Variants in SLC6A9 observed in about 807,000 individuals in gnomAD.
SLC6A9 encodes sodium- and chloride-dependent glycine transporter 1.
A neutral mutation model predicts 70.9 loss-of-function variants in SLC6A9; 31 were observed. That is an observed-to-expected ratio of 0.44 (90% CI 0.33 to 0.59). The LOEUF is 0.59. SLC6A9 is among the 20% of genes least tolerant of loss of function. The pLI, the probability that SLC6A9 is intolerant of heterozygous loss-of-function variation, is 0.04. For missense variants in SLC6A9, 631 were observed against 845.2 expected (o/e 0.75, Z 3.14); for synonymous variants, 310 against 341.3 (o/e 0.91, Z 1.01).
chr1:44,002,366 C>A lies in SLC6A9; in HGVS notation c.909G>T (p.Trp303Cys). The A allele has an allele frequency of 6.2e-7, 1 of 1,614,116 alleles. No individual in the cohort carries two copies. The highest frequency in any genetic ancestry group is 1.3e-5 in the African/African-American group (1 of 75,020). ...SQIFYSLGCA[W>C]GGLITMASYN... ...AGGAAGCCATGGTGATGAGGCCTCC[C>A]CACGCGCAGCCCAGTGAGTAGAAGA... Residue 303 changes from tryptophan to cysteine, a missense_variant, in exon 8 of 14, where the codon TGG (tryptophan) becomes TGT (cysteine). Trp to Cys is a radical substitution (Grantham distance 215). Transcript: ENST00000372310. This position sits in a 1 kb window ranked among gnomAD's most constrained non-coding sequence, Gnocchi z 5.5.
chr1:44,014,716 C>A (rs1183638942), intron 2 of SLC6A9: 1 of 152,042 alleles, frequency 6.6e-6, no homozygotes, highest in African/African-American at 2.4e-5. Context: ...ATCCAGATCT[C>A]CCACTCAGCC....
Position 43,997,604 on chromosome 1 carries a change from C to A in SLC6A9, c.1843G>T (p.Ala615Ser), listed in dbSNP as rs753914056. 4 of 1,613,882 alleles carry A rather than the reference C, an allele frequency of 2.5e-6. No homozygotes were observed. In the African/African-American group the frequency reaches 5.3e-5, roughly 22 times the overall value. ...TTACTGCCCACAATGGGGATCTGCG[C>A]CTTGTCCGGGTGCAGTGGCTGGACC... Reference protein sequence around the residue: ...FEVQPLHPDKAQIPIVGSNGS... With the variant: ...FEVQPLHPDKSQIPIVGSNGS... Residue 615 changes from alanine (A) to serine (S), a missense_variant, in exon 14 of 14, where the codon GCG becomes TCG. Physicochemically the swap from Ala to Ser is moderately conservative, Grantham distance 99. Coordinates refer to ENST00000372310, the MANE Select transcript of SLC6A9 (RefSeq NM_001024845.3). This position sits in a 1 kb window ranked among gnomAD's most constrained non-coding sequence, Gnocchi z 4.4.
intron 1 of SLC6A9, among the ~76,000 whole-genome samples, chr1:44,030,104 C>CT (rs2087069558): frequency 6.6e-6 from 1 of 152,064 alleles, no homozygotes; most frequent in African/African-American, 2.4e-5. Context: ...GGTGCGGCTC[C>CT]TTTAAGTATC....
chr1:44,001,644 C>T lies in SLC6A9; in HGVS notation c.963-17G>A, dbSNP rs2086111887. The T allele has an allele frequency of 6.3e-7, 1 of 1,586,264 alleles. No individual in the cohort carries two copies. Among genetic ancestry groups the T allele is most frequent in the Non-Finnish European group, 8.6e-7 (1 of 1,159,252 alleles). On this transcript the variant is annotated splice_polypyrimidine_tract_variant and intron_variant, in intron 8 of 13. Coordinates refer to ENST00000372310, the MANE Select transcript of SLC6A9 (RefSeq NM_001024845.3). ...ACACTGTCCCTGATGGGGAGGAAAA[C>T]AGAGTTCAGCTTCCCTCTCCCCAAT... is the stretch of plus-strand genomic sequence containing the variant.
intron 5 of SLC6A9, among the ~76,000 whole-genome samples, chr1:44,008,018 C>T (rs914201963): frequency 2.0e-5 from 3 of 152,036 alleles, no homozygotes; most frequent in Non-Finnish European, 2.9e-5. Flanking sequence ...TGCCACCACG[C>T]CCGGCTAATT....
rs2286245 is a variant in SLC6A9, at chr1:43,997,532, C to T, written c.*13G>A. The T allele has an allele frequency of 0.042, 67,311 of 1,611,184 alleles. 1,825 individuals carry two copies. The highest frequency in any genetic ancestry group is 0.13 in the East Asian group (5,687 of 44,836). On this transcript the variant is annotated 3_prime_UTR_variant, in exon 14 of 14. Transcript: ENST00000372310. This position sits in a 1 kb window ranked among gnomAD's most constrained non-coding sequence, Gnocchi z 4.4. ...ACGGGGTGGGGGTGGGGCCACTCCC[C>T]TGGCAGCTGTGCTCATATCCGGGAG...
At position 44,018,718 on chromosome 1, in the gene SLC6A9, G is replaced by A. The variant is rs1307068385; in HGVS notation, c.30+5530C>T. The stretch of plus-strand genomic sequence containing the variant: ...TTTGGGAAGCCAAGGCAGGAGGGTC[G>A]CTTGAGGTCAGGAGTTCATGACCAG... On this transcript the variant is annotated intron_variant, in intron 2 of 13. Transcript: ENST00000372310. The surrounding 1 kb of genome is among the most constrained non-coding windows in gnomAD (Gnocchi z 4.2). 2.6e-5 allele frequency among the ~76,000 whole-genome samples: 4 copies of A among 151,870 alleles called. No homozygotes were observed. The highest frequency in any genetic ancestry group is 2.0e-4 in the Admixed American group (3 of 15,244).
At chr1:44,015,090 C>T (rs965446335) in intron 2 of SLC6A9, among the ~76,000 whole-genome samples, 2 of 152,044 alleles carry the variant, frequency 1.3e-5, no homozygotes, top group African/African-American at 4.8e-5. Flanking sequence ...CAATTTTGCC[C>T]TTTTTTTTCC....
chr1:44,020,106 G>A (rs1211335415), intron 2 of SLC6A9, among the ~76,000 whole-genome samples: 1 of 152,218 alleles, frequency 6.6e-6, no homozygotes, highest in Admixed American at 6.5e-5. Context: ...GGCTGTCCTG[G>A]CTAGAAGAGC....
rs764804557 is a variant in SLC6A9, at chr1:44,010,880, A to G, written c.33T>C (p.Asn11=). 23 of 1,614,152 alleles carry G rather than the reference A, an allele frequency of 1.4e-5. No individual in the cohort carries two copies. Among genetic ancestry groups the G allele is most frequent in the Non-Finnish European group, 1.9e-5 (23 of 1,179,990 alleles). The change falls in exon 3 of 14, where the codon AAT becomes AAC. Residue 11 remains asparagine (N), a splice_region_variant and synonymous_variant. Coordinates refer to ENST00000372310, the MANE Select transcript of SLC6A9 (RefSeq NM_001024845.3). MVGKGAKGML[N]GAVPSEATKR... ...TGGTGGCCTCGCTGGGCACAGCACC[A>G]TTCTGTGGGGACAGGAGAGAAGCTA...
intron 5 of SLC6A9, among the ~76,000 whole-genome samples, chr1:44,005,065 G>A (rs1482354443): frequency 2.0e-5 from 3 of 152,278 alleles, no homozygotes; most frequent in South Asian, 2.1e-4. Flanking sequence ...AACCAGGTAG[G>A]TATCACGACT....
At chr1:44,017,094 T>TG in intron 2 of SLC6A9, 1 of 1,605,938 alleles carries the variant, frequency 6.2e-7, no homozygotes, top group South Asian at 1.1e-5. Flanking sequence ...GCGGCCATCC[T>TG]GGGGCGAGCG....
At chr1:44,011,585 G>A (rs1557684187) in intron 2 of SLC6A9, 1 of 1,614,038 alleles carries the variant, frequency 6.2e-7, no homozygotes, top group Non-Finnish European at 8.5e-7. Context: ...GGGAGTGCTG[G>A]GCCATGAGTT....
intron 1 of SLC6A9, among the ~76,000 whole-genome samples, chr1:44,029,922 T>C (rs1362611253): frequency 2.0e-5 from 3 of 152,188 alleles, no homozygotes; most frequent in Admixed American, 2.0e-4. Flanking sequence ...GTTTTTCTCT[T>C]TCCCCACTCC....
At chr1:44,009,342 C>T (rs1015958483) in intron 4 of SLC6A9, among the ~76,000 whole-genome samples, 1 of 152,014 alleles carries the variant, frequency 6.6e-6, no homozygotes, top group Admixed American at 6.5e-5. Flanking sequence ...GCCTCAGCCC[C>T]CAGAGTAGCT....
chr1:44,019,854 G>A (rs1452164633), intron 2 of SLC6A9, among the ~76,000 whole-genome samples: 5 of 152,100 alleles, frequency 3.3e-5, no homozygotes, highest in African/African-American at 7.2e-5. Context: ...GGAAGGTCCC[G>A]CTGAGCTGGG....
intron 12 of SLC6A9, among the ~76,000 whole-genome samples, chr1:43,999,759 C>T (rs370184651): frequency 1.4e-4 from 22 of 152,258 alleles, no homozygotes; most frequent in African/African-American, 5.1e-4. Context: ...GTGCTGAGCC[C>T]CCTGTGCCAC....
At chr1:44,016,266 A>AGCAG (rs2086739099) in intron 2 of SLC6A9, 1 of 152,774 alleles carries the variant, frequency 6.5e-6, no homozygotes, top group African/African-American at 2.4e-5. Context: ...ACTGGCTAGC[A>AGCAG]GCAGGCAGGC....
intron 2 of SLC6A9, among the ~76,000 whole-genome samples, chr1:44,020,455 C>T (rs1319849405): frequency 1.3e-5 from 2 of 152,130 alleles, no homozygotes; most frequent in Non-Finnish European, 2.9e-5. Flanking sequence ...GCTGGGTGAG[C>T]ACCCACTGTG....
Sources: gnomAD v4.1 joint callset for allele counts (sites outside exome capture counted in the v4.1 genomes callset) on GRCh38, gnomAD v4.1.1 for gene constraint, Gnocchi (gnomAD v3.1) non-coding constraint, MANE v1.5 for transcripts, NCBI Gene and HGNC (gene_info 2026-07-23, HGNC 2026-07-21) for gene names.